Variants in WDR17 observed in about 807,000 individuals in gnomAD.
WDR17 encodes WD repeat domain 17.
A neutral mutation model predicts 161.7 loss-of-function variants in WDR17; 143 were observed. The ratio of observed to expected loss-of-function variants is 0.88; its 90% CI spans 0.77 to 1.02. The LOEUF (loss-of-function observed/expected upper bound fraction) is 1.02. Ranked by LOEUF, WDR17 falls within the 50% of genes least tolerant of loss-of-function variation. The pLI is 0.00. For synonymous variants in WDR17, 517 were observed against 515.6 expected (o/e 1.00, Z -0.04); for missense variants, 1,469 against 1,520.9 (o/e 0.97, Z 0.57).
intron 1 of WDR17, among the ~76,000 whole-genome samples, chr4:176,090,706 G>A (rs1429228283): frequency 6.6e-6 from 1 of 152,118 alleles, no homozygotes; most frequent in Non-Finnish European, 1.5e-5. Flanking sequence ...GACACACACA[G>A]AAATATAGAG....
At chr4:176,178,310 C>T (rs569319198) in intron 28 of WDR17, among the ~76,000 whole-genome samples, 2 of 152,242 alleles carry the variant, frequency 1.3e-5, no homozygotes, top group East Asian at 3.9e-4. Flanking sequence ...CATTTATGCT[C>T]ACAAATAGAG....
chr4:176,070,328 G>A (rs769782604), intron 1 of WDR17, among the ~76,000 whole-genome samples: 2 of 152,056 alleles, frequency 1.3e-5, no homozygotes, highest in Non-Finnish European at 2.9e-5. Context: ...TTTGACTTAG[G>A]CAGACTAATA....
Position 176,148,159 on chromosome 4 carries a change from A to C in WDR17, c.1721A>C (p.Gln574Pro), listed in dbSNP as rs191714049. The change falls in exon 13 of 29, where the codon CAG (glutamine) becomes CCG (proline). Residue 574 changes from glutamine (Q) to proline (P), a missense_variant. Gln to Pro is a moderately conservative substitution (Grantham distance 76). Transcript: ENST00000508596. ...ACCGTTCGAATCTGGGATTATACTC[A>C]GGATGCTTGCATCAATATTCTTAAT... ...DGTVRIWDYT[Q>P]DACINILNGH... 1 of 1,614,004 alleles carries C rather than the reference A, an allele frequency of 6.2e-7. No homozygotes were observed. Among genetic ancestry groups the C allele is most frequent in the African/African-American group, 1.3e-5 (1 of 75,048 alleles).
In WDR17 at chr4:176,179,489, A is replaced by T. The variant is rs755491230; in HGVS notation, c.3762A>T (p.Lys1254Asn). The T allele has an allele frequency of 6.2e-7, 1 of 1,601,488 alleles. No homozygotes were observed. The highest frequency in any genetic ancestry group is 1.3e-5 in the African/African-American group (1 of 74,308). Residue 1254 changes from lysine (K) to asparagine (N), a missense_variant, in exon 29 of 29, where the codon AAA (lysine) becomes AAT (asparagine). By Grantham distance (94) the Lys-to-Asn change is moderately conservative. Coordinates refer to ENST00000508596, the MANE Select transcript of WDR17 (RefSeq NM_181265.4). ...CTGTGTTTTTCCTTGAAGACGGGAA[A>T]TCTGCTATCTCCTTGAATGATGCTT... ...QGPVFFLEDG[K>N]SAISLNDALM...
chr4:176,152,933 CAAA>C (rs201147883), intron 17 of WDR17, among the ~76,000 whole-genome samples: 1 of 126,108 alleles, frequency 7.9e-6, no homozygotes. Flanking sequence ...GACTCCATCT[CAAA>C]AAAAAAAAAA....
Position 176,120,034 on chromosome 4 carries a change from A to C in WDR17, c.475A>C (p.Thr159Pro). The C allele has an allele frequency of 6.2e-7, 1 of 1,614,102 alleles. No homozygotes were observed. The highest frequency in any genetic ancestry group is 8.5e-7 in the Non-Finnish European group (1 of 1,179,988). ...LSDICMFRWH[T>P]HQKGKVVFGH... ...TGATATCTGTATGTTCAGATGGCAT[A>C]CACACCAAAAGGGGAAAGTTGTGTT... Residue 159 changes from threonine to proline, a missense_variant, in exon 4 of 29, where the codon ACA becomes CCA. By Grantham distance (38) the Thr-to-Pro change is conservative. Coordinates refer to ENST00000508596, the MANE Select transcript of WDR17 (RefSeq NM_181265.4).
intron 17 of WDR17, among the ~76,000 whole-genome samples, chr4:176,153,453 G>A (rs1382454629): frequency 6.6e-6 from 1 of 152,140 alleles, no homozygotes; most frequent in Non-Finnish European, 1.5e-5. Flanking sequence ...ATGGAACACG[G>A]GAGAATGGGG....
intron 1 of WDR17, among the ~76,000 whole-genome samples, chr4:176,109,332 AAAG>A (rs373826743): frequency 1.3e-5 from 2 of 152,168 alleles, no homozygotes; most frequent in Non-Finnish European, 2.9e-5. Context: ...GTAAAAAAAA[AAAG>A]AAGTGTATAT....
chr4:176,147,656 G>A (rs867684378), intron 12 of WDR17, among the ~76,000 whole-genome samples: 2 of 151,878 alleles, frequency 1.3e-5, no homozygotes, highest in African/African-American at 2.4e-5. Context: ...TTCCACTTTG[G>A]TTATAGCTGT....
rs915609921 is a variant in WDR17, at chr4:176,150,308, G to A, written c.2178+135G>A. On this transcript the variant is annotated intron_variant, in intron 15 of 28. Coordinates refer to ENST00000508596, the MANE Select transcript of WDR17 (RefSeq NM_181265.4). ...TCTTACCATAATCTGTGCACTATAA[G>A]AAAGCAAATGTAAAACTAGAAACAA... 7.6e-6 allele frequency: 11 copies of A among 1,456,760 alleles called. No homozygotes were observed. The African/African-American group carries it at 1.3e-4, about 17-fold the overall frequency. 90.2% of individuals were successfully genotyped at this position (1,456,760 alleles called of 1,614,324 possible).
intron 1 of WDR17, among the ~76,000 whole-genome samples, chr4:176,108,128 T>A (rs867988518): frequency 6.6e-6 from 1 of 151,938 alleles, no homozygotes; most frequent in Non-Finnish European, 1.5e-5. Flanking sequence ...AACCTTACAC[T>A]CCTGGTTGCA....
chr4:176,078,462 T>A (rs2126581520), intron 1 of WDR17, among the ~76,000 whole-genome samples: 1 of 152,162 alleles, frequency 6.6e-6, no homozygotes, highest in South Asian at 2.1e-4. Context: ...ACAACAAATC[T>A]TCATTATGGT....
At chr4:176,116,686 G>C (rs1220535789) in intron 3 of WDR17, among the ~76,000 whole-genome samples, 1 of 151,738 alleles carries the variant, frequency 6.6e-6, no homozygotes, top group Admixed American at 6.6e-5. Flanking sequence ...ATAAATTTGA[G>C]ATATAAAACT....
intron 22 of WDR17, among the ~76,000 whole-genome samples, chr4:176,166,681 T>TA (rs1749821197): frequency 6.6e-6 from 1 of 152,156 alleles, no homozygotes; most frequent in East Asian, 1.9e-4. Context: ...TTATACACAG[T>TA]AAAAACAAAT....
intron 1 of WDR17, among the ~76,000 whole-genome samples, chr4:176,108,572 TTGAG>T (rs1221247505): frequency 6.6e-6 from 1 of 152,082 alleles, no homozygotes; most frequent in African/African-American, 2.4e-5. Flanking sequence ...ACTGTGGACT[TTGAG>T]TGATAATGAT....
chr4:176,167,883 A>C (rs1162096521), intron 22 of WDR17, among the ~76,000 whole-genome samples: 1 of 149,960 alleles, frequency 6.7e-6, no homozygotes, highest in Non-Finnish European at 1.5e-5. Flanking sequence ...TCGGTGGCTC[A>C]TGCCTGTAAT....
In WDR17 at chr4:176,137,618, T is replaced by C; in HGVS notation, c.1359+7T>C. On this transcript the variant is annotated splice_region_variant and intron_variant, in intron 9 of 28. Transcript: ENST00000508596. The stretch of plus-strand genomic sequence containing the variant: ...TATACAACGATTTAATGAGGTAAGA[T>C]TTATTTATTGCTACTGAATAATATA... 1 of 1,529,686 alleles carries C rather than the reference T, an allele frequency of 6.5e-7. No individual in the cohort carries two copies. The highest frequency in any genetic ancestry group is 9.0e-7 in the Non-Finnish European group (1 of 1,113,194). 94.8% of individuals were successfully genotyped at this position (1,529,686 alleles called of 1,614,324 possible). A position where few individuals can be genotyped will look rare whatever the true frequency, so the allele number is the denominator to read the frequency against.
At chr4:176,135,638 A>G (rs1035683699) in intron 8 of WDR17, among the ~76,000 whole-genome samples, 1 of 151,776 alleles carries the variant, frequency 6.6e-6, no homozygotes, top group Middle Eastern at 3.4e-3. Flanking sequence ...TTATGGTTAT[A>G]TATCAAGTAA....
At position 176,168,665 on chromosome 4, in the gene WDR17, T is replaced by G; in HGVS notation, c.2991-7T>G. On this transcript the variant is annotated splice_region_variant and splice_polypyrimidine_tract_variant and intron_variant, in intron 22 of 28. Transcript: ENST00000508596. ...CAATGAAGTGTCCCCTTTTGTTACG[T>G]TAACAGGAATTTGGCAGCTGATCTT... The G allele has an allele frequency of 1.9e-6, 3 of 1,613,492 alleles. No homozygotes were observed. The highest frequency in any genetic ancestry group is 2.5e-6 in the Non-Finnish European group (3 of 1,179,746).
Sources: allele counts gnomAD v4.1 joint callset (sites outside exome capture counted in the v4.1 genomes callset), GRCh38; gene constraint gnomAD v4.1.1; transcripts MANE v1.5; gene names NCBI Gene and HGNC (gene_info 2026-07-23, HGNC 2026-07-21).